Variants in COMMD10 observed in about 807,000 individuals in gnomAD.
COMMD10 encodes the protein COMM domain containing 10.
Under a neutral mutation model 28.9 loss-of-function variants are expected in COMMD10, and 33 were observed. The observed-to-expected ratio is 1.14, with a 90% CI of 0.87 to 1.53. The LOEUF (loss-of-function observed/expected upper bound fraction) is 1.53. COMMD10 is among the 40% of genes most tolerant of loss of function. The pLI is 0.00. For missense variants in COMMD10, 310 were observed against 233.4 expected (o/e 1.33, Z -2.14); for synonymous variants, 110 against 81.7 (o/e 1.35, Z -1.87).
At chr5:116,243,226 G>A (rs1749858656) in intron 5 of COMMD10, among the ~76,000 whole-genome samples, 1 of 152,108 alleles carries the variant, frequency 6.6e-6, no homozygotes, top group South Asian at 2.1e-4. Context: ...TATGATTTCA[G>A]TTCTTTTTAA....
chr5:116,235,619 G>A (rs1749641624), intron 5 of COMMD10, among the ~76,000 whole-genome samples: 1 of 152,066 alleles, frequency 6.6e-6, no homozygotes, highest in South Asian at 2.1e-4. Context: ...GATAGTTTGG[G>A]TATATAGAAT....
intron 3 of COMMD10, among the ~76,000 whole-genome samples, chr5:116,092,099 T>C (rs1021652380): frequency 5.9e-5 from 9 of 152,202 alleles, no homozygotes; most frequent in African/African-American, 2.2e-4. Flanking sequence ...TTTTACAACT[T>C]TTAATCATAT....
intron 5 of COMMD10, among the ~76,000 whole-genome samples, chr5:116,277,602 G>C (rs995490317): frequency 6.6e-6 from 1 of 151,944 alleles, no homozygotes; most frequent in African/African-American, 2.4e-5. Context: ...TCAGTTGCCT[G>C]TTGTATGATA....
At chr5:116,229,710 A>C (rs1749480308) in intron 5 of COMMD10, among the ~76,000 whole-genome samples, 2 of 152,052 alleles carry the variant, frequency 1.3e-5, no homozygotes, top group African/African-American at 4.8e-5. Context: ...ACAGTTGTTC[A>C]TGCAACAGAA....
At chr5:116,162,076 A>G (rs1271525956) in intron 5 of COMMD10, among the ~76,000 whole-genome samples, 2 of 152,160 alleles carry the variant, frequency 1.3e-5, no homozygotes, top group African/African-American at 2.4e-5. Context: ...ACCTCATTTG[A>G]TTTTAAAGTA....
chr5:116,144,007 G>A (rs1436200511), intron 5 of COMMD10, among the ~76,000 whole-genome samples: 3 of 151,832 alleles, frequency 2.0e-5, no homozygotes, highest in Non-Finnish European at 2.9e-5. Flanking sequence ...TCAGATGGAG[G>A]AAAAAGCACC....
chr5:116,106,032 G>A (rs780137107), intron 4 of COMMD10, among the ~76,000 whole-genome samples: 79 of 150,760 alleles, frequency 5.2e-4, no homozygotes, highest in Non-Finnish European at 9.3e-4. Context: ...TGCTTCTCTA[G>A]TTCTTTTAAT....
At chr5:116,170,026 A>G (rs1310893706) in intron 5 of COMMD10, among the ~76,000 whole-genome samples, 2 of 152,098 alleles carry the variant, frequency 1.3e-5, no homozygotes, top group Non-Finnish European at 2.9e-5. Context: ...GGGTATTCAA[A>G]TAGGAAGAGA....
chr5:116,132,830 C>A (rs1365098773), intron 4 of COMMD10, among the ~76,000 whole-genome samples: 1 of 152,046 alleles, frequency 6.6e-6, no homozygotes, highest in African/African-American at 2.4e-5. Flanking sequence ...TAACATGTAC[C>A]ATGAAATTGA....
chr5:116,108,080 C>G (rs1750902395), intron 4 of COMMD10, among the ~76,000 whole-genome samples: 1 of 152,184 alleles, frequency 6.6e-6, no homozygotes, highest in African/African-American at 2.4e-5. Flanking sequence ...AGATGCCAGC[C>G]CCAGCTCTCC....
At chr5:116,099,393 A>G (rs577966050) in intron 4 of COMMD10, among the ~76,000 whole-genome samples, 1 of 151,798 alleles carries the variant, frequency 6.6e-6, no homozygotes, top group Admixed American at 6.6e-5. Flanking sequence ...CATTGTGAAT[A>G]ATACTGCAGT....
intron 5 of COMMD10, among the ~76,000 whole-genome samples, chr5:116,147,606 C>A (rs977761647): frequency 6.6e-6 from 1 of 151,600 alleles, no homozygotes; most frequent in African/African-American, 2.4e-5. Flanking sequence ...GTGATTGTTG[C>A]GGCTGGTTAA....
intron 5 of COMMD10, chr5:116,218,173 AG>A: frequency 1.2e-6 from 1 of 841,936 alleles, no homozygotes; most frequent in Non-Finnish European, 2.1e-6. Flanking sequence ...GGGCCTTTTT[AG>A]GCCTGGGCTC....
chr5:116,170,778 G>A (rs1753301378), intron 5 of COMMD10, among the ~76,000 whole-genome samples: 1 of 152,142 alleles, frequency 6.6e-6, no homozygotes, highest in Non-Finnish European at 1.5e-5. Context: ...AAACTGGCTA[G>A]CCATGTGCAG....
At chr5:116,211,719 A>G (rs2161323) in intron 5 of COMMD10, among the ~76,000 whole-genome samples, 56,872 of 152,002 alleles carry the variant, frequency 0.37, 13,172 homozygotes, top group African/African-American at 0.66. Context: ...AGATTCCAAA[A>G]AGCAAAACAA....
At chr5:116,136,195 A>G (rs184135965) in intron 5 of COMMD10, among the ~76,000 whole-genome samples, 1 of 151,816 alleles carries the variant, frequency 6.6e-6, no homozygotes, top group Non-Finnish European at 1.5e-5. Context: ...TCTTGATTAT[A>G]TTTTTCACAT....
chr5:116,175,688 G>A (rs927336936), intron 5 of COMMD10, among the ~76,000 whole-genome samples: 7 of 152,088 alleles, frequency 4.6e-5, no homozygotes, highest in Admixed American at 2.6e-4. Context: ...ATATTATTCG[G>A]TCATAAAAAG....
At chr5:116,240,096 CTA>C (rs1426002795) in intron 5 of COMMD10, among the ~76,000 whole-genome samples, 2 of 152,014 alleles carry the variant, frequency 1.3e-5, no homozygotes, top group East Asian at 3.9e-4. Context: ...TAGTAGATCA[CTA>C]TGTGAGGCTA....
chr5:116,280,439 C>G (rs1751040480), intron 5 of COMMD10, among the ~76,000 whole-genome samples: 1 of 151,748 alleles, frequency 6.6e-6, no homozygotes, highest in South Asian at 2.1e-4. Flanking sequence ...GAAGAGAATC[C>G]TATTCTCCCT....
Sources: gnomAD v4.1 joint callset for allele counts (sites outside exome capture counted in the v4.1 genomes callset) on GRCh38, gnomAD v4.1.1 for gene constraint, MANE v1.5 for transcripts, NCBI Gene and HGNC (gene_info 2026-07-23, HGNC 2026-07-21) for gene names.